Variants in PCDHGA1 observed in about 807,000 individuals in gnomAD.
PCDHGA1 encodes the protein protocadherin gamma-A1.
Under a neutral mutation model 58.0 loss-of-function variants are expected in PCDHGA1, and 32 were observed. The ratio of observed to expected loss-of-function variants is 0.55; its 90% CI spans 0.42 to 0.74. The LOEUF (loss-of-function observed/expected upper bound fraction) is 0.74, where lower values mean the gene tolerates loss of function less well. Among genes scored for constraint, PCDHGA1 ranks in the 30% least tolerant of loss-of-function variants. PCDHGA1 has a pLI of 0.00. For synonymous variants in PCDHGA1, 498 were observed against 501.1 expected (o/e 0.99, Z 0.08); for missense variants, 1,205 against 1,182.3 (o/e 1.02, Z -0.28).
chr5:141,506,666 C>A (rs894880559), intron 3 of PCDHGA1, among the ~76,000 whole-genome samples: 2 of 152,120 alleles, frequency 1.3e-5, no homozygotes, highest in South Asian at 4.1e-4. Context: ...AGAGTAAGGG[C>A]ACAATATATT....
intron 2 of PCDHGA1, among the ~76,000 whole-genome samples, chr5:141,495,507 C>T (rs1380258502): frequency 6.6e-6 from 1 of 152,188 alleles, no homozygotes; most frequent in African/African-American, 2.4e-5. Context: ...TCCGTCTTTG[C>T]CACTTTCTCT....
At position 141,398,098 on chromosome 5, in the gene PCDHGA1, C is replaced by T. The variant is rs770737294; in HGVS notation, c.2421+64993C>T. 2.5e-6 allele frequency: 4 copies of T among 1,596,954 alleles called. No homozygotes were observed. In the South Asian group the frequency reaches 4.5e-5, roughly 18 times the overall value. ...TTATTTGTAACCTGGCGTCTCCAGGCTGGTGAGCAAGCTGAGGAGAGCAAG... is the reference window on the plus strand; with the variant it reads ...TTATTTGTAACCTGGCGTCTCCAGGTTGGTGAGCAAGCTGAGGAGAGCAAG... On this transcript the variant is annotated intron_variant, in intron 1 of 3. Transcript: ENST00000517417.
chr5:141,371,567 C>T (rs1767853623), intron 1 of PCDHGA1: 4 of 1,613,906 alleles, frequency 2.5e-6, no homozygotes, highest in Non-Finnish European at 3.4e-6. Flanking sequence ...GAAACTTCCC[C>T]TTTAAAATCG....
At chr5:141,441,537 C>A in intron 1 of PCDHGA1, 1 of 173,250 alleles carries the variant, frequency 5.8e-6, no homozygotes, top group Non-Finnish European at 1.2e-5. Context: ...ACAATCTTCC[C>A]AAAGCCTCCA....
intron 1 of PCDHGA1, chr5:141,413,423 C>A (rs770419729): frequency 6.2e-7 from 1 of 1,614,078 alleles, no homozygotes; most frequent in Non-Finnish European, 8.5e-7. Flanking sequence ...TCTCTGAACC[C>A]GCGCAGCGGC....
intron 1 of PCDHGA1, chr5:141,441,743 C>G (rs1298220876): frequency 2.7e-6 from 1 of 367,284 alleles, no homozygotes; most frequent in Non-Finnish European, 5.4e-6. Flanking sequence ...AGCTCGCGCT[C>G]GGCGTCAACG....
Position 141,489,880 on chromosome 5 carries a change from G to A in PCDHGA1, c.2422-4927G>A. On this transcript the variant is annotated intron_variant, in intron 1 of 3. Transcript: ENST00000517417. The surrounding 1 kb of genome is among the most constrained non-coding windows in gnomAD (Gnocchi z 4.5). Reference sequence around the variant, plus strand: ...GGCAAGACATCAGCTGGTGCTTACTGCTGTGGATGGGGGGACCCCAGCCCG... The same window carrying A: ...GGCAAGACATCAGCTGGTGCTTACTACTGTGGATGGGGGGACCCCAGCCCG... 2 of 1,614,230 alleles carry A rather than the reference G, an allele frequency of 1.2e-6. No individual in the cohort carries two copies. The highest frequency in any genetic ancestry group is 1.7e-6 in the Non-Finnish European group (2 of 1,180,026).
rs749014540 is a variant in PCDHGA1, at chr5:141,360,217, G to A, written c.2421+27112G>A. ...CTTCCTGTTGTCTTTGTTCCCCGGG[G>A]CTCTCCCAGTCCAGATCCGCTATTC... On this transcript the variant is annotated intron_variant, in intron 1 of 3. Transcript: ENST00000517417. 3 of 1,613,398 alleles carry A rather than the reference G, an allele frequency of 1.9e-6. No individual in the cohort carries two copies. In the South Asian group the frequency reaches 3.3e-5, roughly 18 times the overall value.
rs1344157555 is a variant in PCDHGA1, at chr5:141,331,029, GC to G, written c.346del (p.Leu116PhefsTer6). On this transcript the variant is annotated frameshift_variant, in exon 1 of 4. Coordinates refer to ENST00000517417, the MANE Select transcript of PCDHGA1 (RefSeq NM_018912.3). LOFTEE classifies it high-confidence loss of function. ...ATATCCTTGTTGAGGATAAAATGAA[GC>G]TTTTTCCTGTTGAAGTAGAAATAAT... ...FNILVEDKMK[L>X]FPVEVEIIDI... 6.2e-7 allele frequency: 1 copy of G among 1,614,098 alleles called. No homozygotes were observed. Among genetic ancestry groups the G allele is most frequent in the Admixed American group, 1.7e-5 (1 of 60,014 alleles).
At chr5:141,394,303 AG>A in intron 1 of PCDHGA1, 2 of 1,613,924 alleles carry the variant, frequency 1.2e-6, no homozygotes, top group East Asian at 2.2e-5. Context: ...GACACGCTGC[AG>A]GGGGCGCCCC....
At chr5:141,357,260 C>A (rs1760525551) in intron 1 of PCDHGA1, 1 of 1,613,796 alleles carries the variant, frequency 6.2e-7, no homozygotes, top group Non-Finnish European at 8.5e-7. Flanking sequence ...CCAGACGACT[C>A]GGGCCTCACA....
chr5:141,399,056 A>G (rs945298198), intron 1 of PCDHGA1: 24 of 1,613,834 alleles, frequency 1.5e-5, no homozygotes, highest in African/African-American at 1.2e-4. Flanking sequence ...GAGACCAAGG[A>G]ATATTCAATG....
At chr5:141,417,302 G>A (rs1267397415) in intron 1 of PCDHGA1, 1 of 152,270 alleles carries the variant, frequency 6.6e-6, no homozygotes, top group Non-Finnish European at 1.5e-5. Context: ...GCCTCTGGAT[G>A]GAGGAATTGG....
intron 1 of PCDHGA1, among the ~76,000 whole-genome samples, chr5:141,370,096 C>T (rs1385394099): frequency 6.6e-6 from 1 of 152,154 alleles, no homozygotes; most frequent in Non-Finnish European, 1.5e-5. Context: ...CAGTACACTG[C>T]CGATTTTTCT....
intron 1 of PCDHGA1, chr5:141,409,412 C>T (rs1261631725): frequency 1.2e-6 from 2 of 1,614,032 alleles, no homozygotes; most frequent in Non-Finnish European, 1.7e-6. Flanking sequence ...CTACTACAAA[C>T]TGGTGACAGA....
chr5:141,392,775 A>C (rs777775450), intron 1 of PCDHGA1: 1 of 1,524,280 alleles, frequency 6.6e-7, no homozygotes, highest in South Asian at 1.3e-5. Context: ...CCATTTATGC[A>C]CAGTGAAGAT....
chr5:141,371,611 CAGAT>C, intron 1 of PCDHGA1: 1 of 1,613,996 alleles, frequency 6.2e-7, no homozygotes, highest in African/African-American at 1.3e-5. Context: ...AGGTTGGTGA[CAGAT>C]GGAGCCCTGG....
Position 141,332,580 on chromosome 5 carries a change from G to T in PCDHGA1, c.1896G>T (p.Leu632=). The change falls in exon 1 of 4, where the codon CTG becomes CTT. Residue 632 remains leucine, a synonymous_variant. Coordinates refer to ENST00000517417, the MANE Select transcript of PCDHGA1 (RefSeq NM_018912.3). This position sits in a 1 kb window ranked among gnomAD's most constrained non-coding sequence, Gnocchi z 4.6. ...GCGAGGTGCGCACGGCGCGAGCCCT[G>T]CTGGACAGAGACGCGCTCAAGCAGA... ...HTGEVRTARA[L]LDRDALKQSL... 1 of 1,612,698 alleles carries T rather than the reference G, an allele frequency of 6.2e-7. No individual in the cohort carries two copies. The highest frequency in any genetic ancestry group is 8.5e-7 in the Non-Finnish European group (1 of 1,179,864).
chr5:141,428,949 G>T (rs2097173007), intron 1 of PCDHGA1: 1 of 152,034 alleles, frequency 6.6e-6, no homozygotes, highest in Admixed American at 6.6e-5. Flanking sequence ...CTGCCTTCCG[G>T]GTTCTGGCCA....
Sources: allele counts gnomAD v4.1 joint callset (sites outside exome capture counted in the v4.1 genomes callset), GRCh38; gene constraint gnomAD v4.1.1; non-coding constraint Gnocchi (gnomAD v3.1); transcripts MANE v1.5; gene names NCBI Gene and HGNC (gene_info 2026-07-23, HGNC 2026-07-21).